FBF1: variants seen among roughly 807,000 people sequenced by gnomAD.
The protein encoded by FBF1 is Fas binding factor 1, also known as fas-binding factor 1.
Under a neutral mutation model 147.2 loss-of-function variants are expected in FBF1, and 119 were observed. The observed-to-expected ratio is 0.81, with a 90% CI of 0.70 to 0.94. FBF1 has a LOEUF of 0.94. FBF1 is among the 40% of genes least tolerant of loss of function. The pLI is 0.00. For missense variants in FBF1, 1,449 were observed against 1,500.8 expected (o/e 0.97, Z 0.57); for synonymous variants, 601 against 609.0 (o/e 0.99, Z 0.19).
In FBF1 at chr17:75,909,579, T is replaced by G. The variant is rs2065446221; in HGVS notation, c.*1144A>C. On this transcript the variant is annotated 3_prime_UTR_variant, in exon 30 of 30. Coordinates refer to ENST00000636174, the MANE Select transcript of FBF1 (RefSeq NM_001319193.2). ...ATCCAGGCGCAGCTACTCACTGTCA[T>G]TTCAGGCAGGTTATTTAATCTCCCC... The G allele has an allele frequency of 2.1e-6, 1 of 475,174 alleles. No individual in the cohort carries two copies. Among genetic ancestry groups the G allele is most frequent in the Non-Finnish European group, 3.7e-6 (1 of 268,390 alleles). The allele number at this position is 475,174 out of a possible 1,614,324, so 29.4% of individuals were successfully genotyped here.
At chr17:75,920,173 C>T (rs2065516254) in intron 18 of FBF1, 66 bp from the exon 19 acceptor site, 6 of 1,585,514 alleles carry the variant, frequency 3.8e-6, no homozygotes, top group Non-Finnish European at 5.2e-6. Context: ...CTGCCCTGTG[C>T]CAACAGCCCT....
At chr17:75,911,038 C>T (rs1015389681) in intron 29 of FBF1, among the ~76,000 whole-genome samples, 3 of 152,180 alleles carry the variant, frequency 2.0e-5, no homozygotes, top group African/African-American at 7.2e-5. Context: ...GAGCACATGA[C>T]TTCATGTCTC....
chr17:75,929,945 A>ACCGCCCCC, intron 7 of FBF1, 52 bp downstream of exon 7: 1 of 650,912 alleles, frequency 1.5e-6, no homozygotes, highest in Non-Finnish European at 2.8e-6. Flanking sequence ...AAATATCATG[A>ACCGCCCCC]CCCCACCCCA....
rs367807680 is a variant in FBF1, at chr17:75,917,764, G to A, written c.2473C>T (p.Arg825Trp). 16 of 1,608,700 alleles carry A rather than the reference G, an allele frequency of 9.9e-6. No homozygotes were observed. The highest frequency in any genetic ancestry group is 4.0e-5 in the African/African-American group (3 of 74,824). ...AGCAGCCGGCTCTGCTCATTCAGCCGTGCCTCCATCTTCCCGATGACCTCC... is the reference window on the plus strand; with the variant it reads ...AGCAGCCGGCTCTGCTCATTCAGCCATGCCTCCATCTTCCCGATGACCTCC... ...QQEVIGKMEA[R>W]LNEQSRLLEQ... Residue 825 changes from arginine (R) to tryptophan (W), a missense_variant, in exon 23 of 30, where the codon CGG becomes TGG. Transcript: ENST00000636174.
rs1312601988 is a variant in FBF1 at position 75,910,268 on chromosome 17, C to G, written c.*455G>C. On this transcript the variant is annotated 3_prime_UTR_variant, in exon 30 of 30. Transcript: ENST00000636174. This position sits in a 1 kb window ranked among gnomAD's most constrained non-coding sequence, Gnocchi z 4.1. ...GCCAGAGGGCCCTTCTCCAGCTCAT[C>G]AGGGAGGGAACTGCTCTGGCAGGGA... 2.9e-6 allele frequency: 1 copy of G among 346,400 alleles called. No individual in the cohort carries two copies. The allele number at this position is 346,400 out of a possible 1,614,324, so 21.5% of individuals were successfully genotyped here.
chr17:75,919,720 C>T lies in FBF1; in HGVS notation c.2086G>A (p.Ala696Thr). 1 of 1,612,704 alleles carries T rather than the reference C, an allele frequency of 6.2e-7. No homozygotes were observed. The highest frequency in any genetic ancestry group is 8.5e-7 in the Non-Finnish European group (1 of 1,179,718). The change falls in exon 20 of 30, where the codon GCC becomes ACC. Residue 696 changes from alanine (A) to threonine (T), a missense_variant. Physicochemically the swap from Ala to Thr is moderately conservative, Grantham distance 58 (BLOSUM62 0). Coordinates refer to ENST00000636174, the MANE Select transcript of FBF1 (RefSeq NM_001319193.2). This position sits in a 1 kb window ranked among gnomAD's most constrained non-coding sequence, Gnocchi z 5.0. Reference protein sequence around the residue: ...LTAQHQRRLAAIAQEKDQEME... With the variant: ...LTAQHQRRLATIAQEKDQEME... ...TCCTGGTCCTTCTCCTGCGCTATGG[C>T]CGCCAAGCGCCGCTGGTGCTGGGCC...
In FBF1 at chr17:75,925,323, A is replaced by G. The variant is rs754394409; in HGVS notation, c.968+24T>C. The G allele has an allele frequency of 1.6e-5, 25 of 1,597,832 alleles. No homozygotes were observed. The South Asian group carries it at 2.8e-4, about 18-fold the overall frequency. ...AGTGGCCGACCTGTCTCAAGAGGCC[A>G]AGCCTCCTGCAGGCCCCACTTACCT... On this transcript the variant is annotated intron_variant, in intron 13 of 29. Transcript: ENST00000636174. The surrounding 1 kb of genome is among the most constrained non-coding windows in gnomAD (Gnocchi z 5.0).
rs564242701 is a variant in FBF1 at position 75,920,404 on chromosome 17, C to T, written c.1700G>A (p.Arg567Gln). 7.9e-5 allele frequency: 127 copies of T among 1,607,186 alleles called. 3 individuals carry two copies. The highest frequency in any genetic ancestry group is 4.6e-4 in the Admixed American group (27 of 59,040). The change falls in exon 18 of 30, where the codon CGG (arginine) becomes CAG (glutamine). Residue 567 changes from arginine to glutamine, a missense_variant. Arg to Gln is a conservative substitution (Grantham distance 43). Transcript: ENST00000636174. ...GTATTCTGTGCTCGGCAGCAGGCTC[C>T]GGGCCAGGGACTCTGGGAGCAGGGG... ...VQPLLPESLARSLLPSTEYQK... is the reference protein window; with the variant it reads ...VQPLLPESLAQSLLPSTEYQK...
rs754618020 is a variant in FBF1, at chr17:75,914,102, C to G, written c.2991+20G>C. On this transcript the variant is annotated intron_variant, in intron 26 of 29. Coordinates refer to ENST00000636174, the MANE Select transcript of FBF1 (RefSeq NM_001319193.2). ...CTGCCTGGGCTCAGATGCGCCCACG[C>G]CCATGTGCCCGAGCAGCACCTTGCT... 3.1e-6 allele frequency: 5 copies of G among 1,596,242 alleles called. No homozygotes were observed. The highest frequency in any genetic ancestry group is 4.3e-6 in the Non-Finnish European group (5 of 1,175,888).
In FBF1 at chr17:75,925,367, C is replaced by G. The variant is rs760866521; in HGVS notation, c.948G>C (p.Gln316His). 7 of 1,613,158 alleles carry G rather than the reference C, an allele frequency of 4.3e-6. No homozygotes were observed. Among genetic ancestry groups the G allele is most frequent in the African/African-American group, 2.7e-5 (2 of 74,922 alleles). ...CTTACCTGACAGACTGCCGGCGGGA[C>G]TGCCGGCCCTCAGAGGAGACCACAG... ...QPTVVSSEGR[Q>H]SRRQSVSRFF... is the part of the protein sequence containing the mutation. Residue 316 changes from glutamine to histidine, a missense_variant, in exon 13 of 30, where the codon CAG becomes CAC. Transcript: ENST00000636174. The surrounding 1 kb of genome is among the most constrained non-coding windows in gnomAD (Gnocchi z 5.0).
chr17:75,918,062 T>G lies in FBF1; in HGVS notation c.2255A>C (p.Asn752Thr). The G allele has an allele frequency of 6.2e-7, 1 of 1,609,448 alleles. No individual in the cohort carries two copies. The highest frequency in any genetic ancestry group is 8.5e-7 in the Non-Finnish European group (1 of 1,177,262). ...CTTCTCCATCTGGTGGATGATGCTA[T>G]TCAGGGACCTGGAAGAAGACTGGGT... ...TSATSHTRSL[N>T]SIIHQMEKFS... The change falls in exon 22 of 30, where the codon AAT (asparagine) becomes ACT (threonine). Residue 752 changes from asparagine (N) to threonine (T), a missense_variant. Physicochemically the swap from Asn to Thr is moderately conservative, Grantham distance 65. Coordinates refer to ENST00000636174, the MANE Select transcript of FBF1 (RefSeq NM_001319193.2). This position sits in a 1 kb window ranked among gnomAD's most constrained non-coding sequence, Gnocchi z 5.8.
chr17:75,935,196 G>A (rs922732554), intron 4 of FBF1, among the ~76,000 whole-genome samples: 3 of 145,916 alleles, frequency 2.1e-5, no homozygotes, highest in African/African-American at 2.6e-5. Flanking sequence ...ACGGAGTCTC[G>A]CTCTGTCGCA....
At chr17:75,937,457 A>T (rs2065631982) in intron 3 of FBF1, 109 bp downstream of exon 3, 2 of 1,297,438 alleles carry the variant, frequency 1.5e-6, no homozygotes, top group Non-Finnish European at 2.2e-6. Context: ...GGTGTGAGCC[A>T]CCGTGCCCGG....
intron 2 of FBF1, 75 bp from the exon 3 acceptor site, chr17:75,937,668 A>G (rs2065633203): frequency 5.9e-6 from 9 of 1,516,588 alleles, no homozygotes. Context: ...TGCAGAATGA[A>G]TTGCGTTGCC....
chr17:75,932,522 G>A (rs1315001421), intron 5 of FBF1, among the ~76,000 whole-genome samples: 1 of 151,852 alleles, frequency 6.6e-6, no homozygotes, highest in Non-Finnish European at 1.5e-5. Flanking sequence ...GAGACTGAGT[G>A]GATCGCTTCA....
Position 75,928,295 on chromosome 17 carries a change from G to T in FBF1, c.280-102C>A. ...GTTGGCACCCCAGGTGTAGAATTGT[G>T]AGAAAACAAAGGAAAATGAGAAAAC... On this transcript the variant is annotated intron_variant, in intron 7 of 29. Transcript: ENST00000636174. This position sits in a 1 kb window ranked among gnomAD's most constrained non-coding sequence, Gnocchi z 4.2. The T allele has an allele frequency of 1.2e-6, 1 of 868,982 alleles. No individual in the cohort carries two copies. Among genetic ancestry groups the T allele is most frequent in the Non-Finnish European group, 1.9e-6 (1 of 540,362 alleles). 53.8% of individuals were successfully genotyped at this position (868,982 alleles called of 1,614,324 possible).
At chr17:75,920,832 G>GT (rs1362822132) in intron 17 of FBF1, among the ~76,000 whole-genome samples, 1 of 49,558 alleles carries the variant, frequency 2.0e-5, no homozygotes, top group Non-Finnish European at 3.4e-5. Flanking sequence ...CACACTCCTG[G>GT]GGGGGGGGGG....
rs1296660002 is a variant in FBF1 at position 75,938,194 on chromosome 17, C to T, written c.-45G>A. 1 of 1,613,300 alleles carries T rather than the reference C, an allele frequency of 6.2e-7. No individual in the cohort carries two copies. The highest frequency in any genetic ancestry group is 1.1e-5 in the South Asian group (1 of 90,892). On this transcript the variant is annotated 5_prime_UTR_variant, in exon 2 of 30. It introduces an in-frame stop codon into an upstream open reading frame of the 5' UTR. Transcript: ENST00000636174. ...CTCTCAGCTCCTTCACAGCACTGGC[C>T]AGCTCATCTGGATTCTGCCCACATC...
In FBF1 at chr17:75,940,862, G is replaced by A. The variant is rs1243795670; in HGVS notation, c.-98C>T. On this transcript the variant is annotated 5_prime_UTR_variant, in exon 1 of 30. Coordinates refer to ENST00000636174, the MANE Select transcript of FBF1 (RefSeq NM_001319193.2). ...CAATGCGTCACCCTTCTGAGCGCCC[G>A]GCCTATCTGGCCCCGGAGCGCAGCC... is the stretch of plus-strand genomic sequence containing the variant. 1 of 153,796 alleles carries A rather than the reference G, an allele frequency of 6.5e-6. No individual in the cohort carries two copies. The highest frequency in any genetic ancestry group is 2.4e-5 in the African/African-American group (1 of 41,464). 9.5% of individuals were successfully genotyped at this position (153,796 alleles called of 1,614,324 possible).
Sources: allele counts gnomAD v4.1 joint callset (sites outside exome capture counted in the v4.1 genomes callset), GRCh38; gene constraint gnomAD v4.1.1; non-coding constraint Gnocchi (gnomAD v3.1); transcripts MANE v1.5; gene names NCBI Gene and HGNC (gene_info 2026-07-23, HGNC 2026-07-21).